VTI1A: variants seen among roughly 807,000 people sequenced by gnomAD.
VTI1A encodes the protein vesicle transport through interaction with t-SNAREs homolog 1A.
VTI1A carries 22 observed loss-of-function variants against 34.9 expected under a neutral mutation model. The observed-to-expected ratio is 0.63, with a 90% CI of 0.45 to 0.90. VTI1A has a LOEUF of 0.90. VTI1A is among the 40% of genes least tolerant of loss of function. VTI1A has a pLI of 0.00. For missense variants in VTI1A, 268 were observed against 275.6 expected (o/e 0.97, Z 0.20); for synonymous variants, 87 against 97.3 (o/e 0.89, Z 0.62).
rs368597471 is a variant in VTI1A, at chr10:112,682,764, A to G, written c.560+13766A>G. On this transcript the variant is annotated intron_variant, in intron 7 of 7. Transcript: ENST00000393077. ...GCTTTCCCTGGCTGGAGCATTCCCA[A>G]GCTATCATGGCCATCAGACAGGTGG... Among the ~76,000 whole-genome samples, 39 of 152,326 alleles carry G rather than the reference A, an allele frequency of 2.6e-4. 1 individual carries two copies. The South Asian group carries it at 7.3e-3, about 28-fold the overall frequency.
the VTI1A span, chr10:112,831,550 G>A: frequency 6.6e-6 from 1 of 152,198 alleles, no homozygotes; most frequent in South Asian, 2.1e-4. Context: ...CACAAGGCTA[G>A]TCTTGTTTGG....
chr10:112,542,099 T>C (rs1236141025), intron 5 of VTI1A, among the ~76,000 whole-genome samples: 1 of 152,230 alleles, frequency 6.6e-6, no homozygotes, highest in Admixed American at 6.5e-5. Context: ...CTGGGTCATC[T>C]GCCCTTTATT....
intron 7 of VTI1A, among the ~76,000 whole-genome samples, chr10:112,738,590 A>ATG (rs745661033): frequency 6.6e-6 from 1 of 152,204 alleles, no homozygotes; most frequent in Non-Finnish European, 1.5e-5. Context: ...AAATCAAGAC[A>ATG]TGTAAAGTTC....
At chr10:112,815,057 G>A (rs1853464157) in intron 7 of VTI1A, among the ~76,000 whole-genome samples, 1 of 151,916 alleles carries the variant, frequency 6.6e-6, no homozygotes, top group African/African-American at 2.4e-5. Flanking sequence ...TCGGAGGGCA[G>A]CGTGACAATC....
chr10:112,523,178 G>A (rs573400916), intron 3 of VTI1A, among the ~76,000 whole-genome samples: 3 of 152,062 alleles, frequency 2.0e-5, no homozygotes, highest in Non-Finnish European at 4.4e-5. Flanking sequence ...GTCAAGGCTT[G>A]GGTCAAGTAG....
At chr10:112,533,800 C>CA (rs113139007) in intron 4 of VTI1A, among the ~76,000 whole-genome samples, 20,394 of 150,414 alleles carry the variant, frequency 0.14, 1,622 homozygotes, top group East Asian at 0.27. Context: ...CTTTAAAGGC[C>CA]AAAAAAAAGG....
At chr10:112,463,627 T>TA (rs77183033) in intron 2 of VTI1A, among the ~76,000 whole-genome samples, 3,168 of 144,140 alleles carry the variant, frequency 0.022, 82 homozygotes, top group African/African-American at 0.064. Flanking sequence ...AGCAGGTTGT[T>TA]AAAAAAAAAA....
At chr10:112,470,460 A>C (rs1473970899) in intron 3 of VTI1A, among the ~76,000 whole-genome samples, 1 of 152,192 alleles carries the variant, frequency 6.6e-6, no homozygotes, top group Admixed American at 6.5e-5. Context: ...GAGTGTGGGA[A>C]CAGGTTTTCA....
At chr10:112,759,917 TAAAC>T (rs1357822691) in intron 7 of VTI1A, among the ~76,000 whole-genome samples, 2 of 152,094 alleles carry the variant, frequency 1.3e-5, no homozygotes, top group Admixed American at 1.3e-4. Flanking sequence ...ATGCTGTAAT[TAAAC>T]AAGACAAACA....
At chr10:112,798,493 G>T (rs1204181281) in intron 7 of VTI1A, among the ~76,000 whole-genome samples, 1 of 152,158 alleles carries the variant, frequency 6.6e-6, no homozygotes, top group East Asian at 1.9e-4. Context: ...AAAGGTCGCT[G>T]TCTCTTTGCA....
intron 7 of VTI1A, among the ~76,000 whole-genome samples, chr10:112,720,591 A>T (rs573721936): frequency 6.6e-6 from 1 of 152,238 alleles, no homozygotes; most frequent in East Asian, 1.9e-4. Flanking sequence ...CATTAGAAAC[A>T]AATATATCTT....
At chr10:112,529,205 T>A (rs1482996101) in intron 4 of VTI1A, among the ~76,000 whole-genome samples, 1 of 152,118 alleles carries the variant, frequency 6.6e-6, no homozygotes, top group Non-Finnish European at 1.5e-5. Context: ...TGTGTGAAGT[T>A]TTCCATCTAA....
intron 7 of VTI1A, among the ~76,000 whole-genome samples, chr10:112,756,402 GCA>G (rs1851284229): frequency 6.6e-6 from 1 of 152,054 alleles, no homozygotes; most frequent in South Asian, 2.1e-4. Context: ...TTACACTTAG[GCA>G]GGCTGGCTCC....
chr10:112,675,858 T>C (rs1040041888), intron 7 of VTI1A, among the ~76,000 whole-genome samples: 11 of 152,202 alleles, frequency 7.2e-5, no homozygotes, highest in Admixed American at 6.5e-5. Flanking sequence ...TGCCGCTTTT[T>C]AGCTAGTAAC....
At chr10:112,584,813 C>T (rs1844084212) in intron 5 of VTI1A, among the ~76,000 whole-genome samples, 1 of 152,146 alleles carries the variant, frequency 6.6e-6, no homozygotes, top group Non-Finnish European at 1.5e-5. Flanking sequence ...TCCTTACATG[C>T]AGTGAGTTGG....
intron 7 of VTI1A, among the ~76,000 whole-genome samples, chr10:112,814,467 C>T (rs1039664128): frequency 6.6e-6 from 1 of 152,140 alleles, no homozygotes; most frequent in African/African-American, 2.4e-5. Context: ...CCTCTTTTCT[C>T]CGAATGAGGT....
chr10:112,635,552 G>T (rs1186065844), intron 5 of VTI1A, among the ~76,000 whole-genome samples: 3 of 152,146 alleles, frequency 2.0e-5, no homozygotes, highest in Non-Finnish European at 4.4e-5. Flanking sequence ...GGTGTTTTAG[G>T]AAGATTTTAG....
chr10:112,585,391 C>T lies in VTI1A; in HGVS notation c.427+47061C>T, dbSNP rs148276556. Among the ~76,000 whole-genome samples, 114 of 151,470 alleles carry T rather than the reference C, an allele frequency of 7.5e-4. 1 individual carries two copies. In the East Asian group the frequency reaches 0.021, roughly 28 times the overall value. ...TCAGAACAGCTATTACAGCTTGTTA[C>T]TTTTTTTTTGCACCAGTTTTGACAT... is the stretch of plus-strand genomic sequence containing the variant. On this transcript the variant is annotated intron_variant, in intron 5 of 7. Transcript: ENST00000393077.
intron 7 of VTI1A, chr10:112,737,146 C>T (rs1850513498): frequency 3.5e-6 from 1 of 281,940 alleles, no homozygotes; most frequent in Non-Finnish European, 6.3e-6. Flanking sequence ...TCTTGGCTCA[C>T]TGCAACCTCC....
Sources: allele counts gnomAD v4.1 joint callset (sites outside exome capture counted in the v4.1 genomes callset), GRCh38; gene constraint gnomAD v4.1.1; transcripts MANE v1.5; gene names NCBI Gene and HGNC (gene_info 2026-07-23, HGNC 2026-07-21).